The following JADE3 variants were observed in gnomAD, a reference collection of about 807,000 sequenced individuals.
JADE3 encodes the protein jade family PHD finger 3, also known as protein Jade-3.
Under a neutral mutation model 50.1 loss-of-function variants are expected in JADE3, and 2 were observed. That is an observed-to-expected ratio of 0.04 (90% CI 0.02 to 0.13). JADE3 has a LOEUF of 0.13. JADE3 is among the 10% of genes least tolerant of loss of function. The pLI, the probability that JADE3 is intolerant of heterozygous loss-of-function variation, is 1.00. For synonymous variants in JADE3, 218 were observed against 232.9 expected (o/e 0.94, Z 0.58); for missense variants, 475 against 634.4 (o/e 0.75, Z 2.70).
At chrX:46,914,093 A>T (rs1181266671) in intron 1 of JADE3, among the ~76,000 whole-genome samples, 1 of 111,727 alleles carries the variant, frequency 9.0e-6, no homozygotes, top group Non-Finnish European at 1.9e-5. Flanking sequence ...AATGAAAAAT[A>T]ATTTAGGTAA....
chrX:46,923,544 T>TA (rs1159111662), intron 1 of JADE3, among the ~76,000 whole-genome samples: 2 of 105,845 alleles, frequency 1.9e-5, no homozygotes, highest in Non-Finnish European at 3.9e-5. Flanking sequence ...CCTGAGTATC[T>TA]GGGACCACAA....
chrX:47,022,212 A>T (rs1928811065), intron 4 of JADE3, among the ~76,000 whole-genome samples: 1 of 112,346 alleles, frequency 8.9e-6, no homozygotes, highest in South Asian at 3.6e-4. Flanking sequence ...CTAAAGAAAC[A>T]TGACATATTT....
intron 3 of JADE3, among the ~76,000 whole-genome samples, chrX:46,991,067 T>TCCCCCCCCCCCCCCCCCCCCCCCCC (rs1927989923): frequency 4.6e-3 from 1 of 219 alleles, no homozygotes; most frequent in African/African-American, 8.1e-3. Context: ...CCTCACTCCC[T>TCCCCCCCCCCCCCCCCCCCCCCCCC]CCCTCCCCCC....
intron 1 of JADE3, among the ~76,000 whole-genome samples, chrX:46,972,352 C>T (rs1369775765): frequency 2.7e-5 from 3 of 110,472 alleles, no homozygotes; most frequent in Admixed American, 9.7e-5. Flanking sequence ...TTCACCACCA[C>T]GCCTGGCTAA....
chrX:47,006,446 G>A (rs1267344185), intron 4 of JADE3, among the ~76,000 whole-genome samples: 1 of 105,294 alleles, frequency 9.5e-6, no homozygotes, highest in African/African-American at 3.5e-5. Context: ...ACCACGCCAG[G>A]CTAATTTTTG....
At chrX:47,050,347 A>G (rs1332405115) in intron 8 of JADE3, among the ~76,000 whole-genome samples, 1 of 112,057 alleles carries the variant, frequency 8.9e-6, no homozygotes, top group Admixed American at 9.5e-5. Flanking sequence ...GATATTTAGC[A>G]TATCTGTCAT....
chrX:47,003,726 A>C (rs1052326721), intron 4 of JADE3, among the ~76,000 whole-genome samples: 9 of 100,417 alleles, frequency 9.0e-5, no homozygotes, highest in Non-Finnish European at 1.6e-4. Flanking sequence ...TACAAATTAT[A>C]ATTAAATTTG....
intron 3 of JADE3, among the ~76,000 whole-genome samples, chrX:46,990,626 C>T (rs1026506013): frequency 2.7e-5 from 3 of 111,373 alleles, no homozygotes; most frequent in Non-Finnish European, 1.9e-5. Flanking sequence ...ACATCAAGAC[C>T]TCTCATGTGG....
rs781936096 is a variant in JADE3 at position 47,039,085 on chromosome X, G to A, written c.972+20G>A. ...ATTCAGGTAAGTCCCCATGAGAAGT[G>A]GTAGAGTGGGCTAACACCAAATTAG... On this transcript the variant is annotated intron_variant, in intron 8 of 10. Coordinates refer to ENST00000614628, the MANE Select transcript of JADE3 (RefSeq NM_014735.5). 1.3e-5 allele frequency: 11 copies of A among 871,279 alleles called. No individual in the cohort carries two copies. The highest frequency in any genetic ancestry group is 1.7e-5 in the Non-Finnish European group (10 of 596,054). The allele number at this position is 871,279 out of a possible 1,213,427, so 71.8% of individuals were successfully genotyped here.
intron 1 of JADE3, among the ~76,000 whole-genome samples, chrX:46,944,632 T>C (rs1158775800): frequency 9.0e-6 from 1 of 110,538 alleles, no homozygotes; most frequent in East Asian, 2.8e-4. Flanking sequence ...GATATAGGCA[T>C]TTAGTACTGT....
rs373596462 is a variant in JADE3, at chrX:47,058,415, C to A, written c.1810C>A (p.Arg604Ser). 1.1e-4 allele frequency: 137 copies of A among 1,209,046 alleles called. No homozygotes were observed. The highest frequency in any genetic ancestry group is 1.5e-4 in the Non-Finnish European group (133 of 894,838). ...ATACCCACTAGAGAGCAAGAATAAC[C>A]GTTTGCTGGCCAGTCTCAGCCATTC... The part of the protein sequence containing the change: ...PRYPLESKNN[R>S]LLASLSHSRS... The change falls in exon 11 of 11, where the codon CGT becomes AGT. Residue 604 changes from arginine to serine, a missense_variant. Arg to Ser is a moderately radical substitution (Grantham distance 110). Coordinates refer to ENST00000614628, the MANE Select transcript of JADE3 (RefSeq NM_014735.5).
intron 1 of JADE3, among the ~76,000 whole-genome samples, chrX:46,983,129 T>C (rs2147130386): frequency 8.9e-6 from 1 of 112,534 alleles, no homozygotes; most frequent in South Asian, 3.7e-4. Flanking sequence ...CTTTCCCTGC[T>C]GTCTCTTTCT....
chrX:46,985,081 A>G, intron 2 of JADE3, 141 bp downstream of exon 2: 1 of 473,866 alleles, frequency 2.1e-6, no homozygotes, highest in Non-Finnish European at 3.7e-6. Context: ...GGGCACCATT[A>G]TCTTATTTAA....
intron 1 of JADE3, among the ~76,000 whole-genome samples, chrX:46,947,528 A>C (rs1926909777): frequency 1.8e-5 from 2 of 111,409 alleles, no homozygotes; most frequent in Admixed American, 1.9e-4. Flanking sequence ...GCTTGTTTTT[A>C]CTAAACTGTA....
chrX:47,048,842 C>G (rs1281139415), intron 8 of JADE3, among the ~76,000 whole-genome samples: 1 of 111,498 alleles, frequency 9.0e-6, no homozygotes, highest in Admixed American at 9.6e-5. Context: ...TAAAATATAT[C>G]TTAATAAAGC....
At chrX:47,057,670 A>T (rs1263366519) in intron 10 of JADE3, among the ~76,000 whole-genome samples, 2 of 111,489 alleles carry the variant, frequency 1.8e-5, no homozygotes, top group African/African-American at 6.5e-5. Context: ...CTCTTCACCC[A>T]CCAAAACCCT....
chrX:47,039,512 G>A (rs1357962907), intron 8 of JADE3, among the ~76,000 whole-genome samples: 2 of 109,973 alleles, frequency 1.8e-5, no homozygotes, highest in Non-Finnish European at 3.8e-5. Context: ...CACCCATATA[G>A]TGAGCATAGT....
intron 8 of JADE3, among the ~76,000 whole-genome samples, chrX:47,049,620 A>AT (rs1166815547): frequency 9.6e-6 from 1 of 104,695 alleles, no homozygotes; most frequent in Non-Finnish European, 1.9e-5. Flanking sequence ...TAATTTTTGT[A>AT]TTTTTTGTAG....
intron 8 of JADE3, among the ~76,000 whole-genome samples, chrX:47,046,456 G>A (rs1929378211): frequency 1.8e-5 from 2 of 112,009 alleles, no homozygotes; most frequent in African/African-American, 6.5e-5. Flanking sequence ...AACATTTAAA[G>A]AAGAACTAGT....
Sources: allele counts gnomAD v4.1 joint callset (sites outside exome capture counted in the v4.1 genomes callset), GRCh38; gene constraint gnomAD v4.1.1; transcripts MANE v1.5; gene names NCBI Gene and HGNC (gene_info 2026-07-23, HGNC 2026-07-21).